MTHFD2L: variants seen among roughly 807,000 people sequenced by gnomAD.
The protein encoded by MTHFD2L is bifunctional methylenetetrahydrofolate dehydrogenase/cyclohydrolase 2, mitochondrial.
In MTHFD2L, 29 loss-of-function variants were observed where a neutral mutation model predicts 34.9. The ratio of observed to expected loss-of-function variants is 0.83; its 90% confidence interval spans 0.62 to 1.13. The LOEUF (loss-of-function observed/expected upper bound fraction) is 1.13. Among genes scored for constraint, MTHFD2L ranks in the 50% most tolerant of loss-of-function variants. The pLI is 0.00. For synonymous variants in MTHFD2L, 167 were observed against 155.7 expected (o/e 1.07, Z -0.54); for missense variants, 481 against 446.5 (o/e 1.08, Z -0.70).
intron 6 of MTHFD2L, among the ~76,000 whole-genome samples, chr4:74,253,198 A>G (rs1743552790): frequency 6.6e-6 from 1 of 152,180 alleles, no homozygotes; most frequent in Admixed American, 6.5e-5. Context: ...TGATTCTAGT[A>G]AGCAGTAGTA....
intron 5 of MTHFD2L, among the ~76,000 whole-genome samples, chr4:74,219,933 G>T (rs978941491): frequency 2.6e-5 from 4 of 152,088 alleles, no homozygotes; most frequent in Non-Finnish European, 5.9e-5. Flanking sequence ...TTTCCACGCA[G>T]ATTGAAATTT....
chr4:74,246,327 T>C (rs934725788), intron 6 of MTHFD2L, among the ~76,000 whole-genome samples: 6 of 151,828 alleles, frequency 4.0e-5, no homozygotes, highest in Non-Finnish European at 7.4e-5. Context: ...ATGGGGTTGT[T>C]TGTTTTTTTC....
intron 1 of MTHFD2L, among the ~76,000 whole-genome samples, chr4:74,169,749 G>T (rs1727500074): frequency 6.6e-6 from 1 of 151,984 alleles, no homozygotes; most frequent in Non-Finnish European, 1.5e-5. Flanking sequence ...AGTGCCAAAA[G>T]GCTACTTAAA....
chr4:74,188,122 CTG>C (rs35055843), intron 3 of MTHFD2L, among the ~76,000 whole-genome samples: 119,663 of 152,090 alleles, frequency 0.79, 52,014 homozygotes, highest in Non-Finnish European at 0.96. Flanking sequence ...AGTATATACT[CTG>C]TGATTTCATT....
At position 74,281,582 on chromosome 4, in the gene MTHFD2L, A is replaced by G. The variant is rs1164412877; in HGVS notation, c.931+32A>G. The G allele has an allele frequency of 2.5e-6, 4 of 1,572,776 alleles. No homozygotes were observed. The African/African-American group carries it at 5.5e-5, about 22-fold the overall frequency. Reference sequence around the variant, plus strand: ...AACCAATATCTTTTGATAGGTGAAGAAGATAAAAAAATTCCACCTTACGTA... The same window carrying G: ...AACCAATATCTTTTGATAGGTGAAGGAGATAAAAAAATTCCACCTTACGTA... On this transcript the variant is annotated intron_variant, in intron 7 of 7. Coordinates refer to ENST00000325278, the MANE Select transcript of MTHFD2L (RefSeq NM_001144978.3).
intron 6 of MTHFD2L, among the ~76,000 whole-genome samples, chr4:74,259,742 A>C (rs1744453444): frequency 6.6e-6 from 1 of 152,222 alleles, no homozygotes; most frequent in Non-Finnish European, 1.5e-5. Context: ...TGTTTAACAG[A>C]GAGAAGTAGG....
intron 3 of MTHFD2L, chr4:74,183,751 G>A (rs1730623311): frequency 6.6e-6 from 1 of 151,668 alleles, no homozygotes; most frequent in Non-Finnish European, 1.5e-5. Context: ...TAAGAGCTCT[G>A]GAAGTGGTAA....
At chr4:74,241,455 G>A (rs377524085) in intron 6 of MTHFD2L, 18 of 193,986 alleles carry the variant, frequency 9.3e-5, no homozygotes, top group Admixed American at 5.7e-4. Context: ...GTGCAGTGGC[G>A]CAATCATGGC....
chr4:74,190,692 A>C (rs1464643436), intron 3 of MTHFD2L: 2 of 198,816 alleles, frequency 1.0e-5, no homozygotes, highest in Non-Finnish European at 1.8e-5. Flanking sequence ...TGCTGTCTTG[A>C]AATCTTGATG....
chr4:74,196,017 G>T (rs939951080), intron 3 of MTHFD2L, among the ~76,000 whole-genome samples: 3 of 152,022 alleles, frequency 2.0e-5, no homozygotes, highest in African/African-American at 7.3e-5. Flanking sequence ...GATTTTGGGG[G>T]CCCAAGATTT....
chr4:74,195,357 T>C (rs1163248297), intron 3 of MTHFD2L: 1 of 152,238 alleles, frequency 6.6e-6, no homozygotes, highest in African/African-American at 2.4e-5. Flanking sequence ...ATAAATTGTA[T>C]GGTTGCACAT....
At chr4:74,283,756 G>A (rs779065688) in intron 7 of MTHFD2L, among the ~76,000 whole-genome samples, 1 of 152,064 alleles carries the variant, frequency 6.6e-6, no homozygotes, top group East Asian at 1.9e-4. Context: ...GCTGATTCAT[G>A]GAGCAAGAGT....
chr4:74,207,959 G>A (rs1446650414), intron 5 of MTHFD2L, among the ~76,000 whole-genome samples: 2 of 151,838 alleles, frequency 1.3e-5, no homozygotes, highest in Non-Finnish European at 2.9e-5. Flanking sequence ...TAGGAATGCA[G>A]GAGTCATGCA....
intron 7 of MTHFD2L, among the ~76,000 whole-genome samples, chr4:74,294,156 T>C (rs916320520): frequency 2.0e-5 from 3 of 152,178 alleles, no homozygotes; most frequent in African/African-American, 7.2e-5. Context: ...TCAGTTCTTC[T>C]TTCTCCACTC....
At chr4:74,279,532 CTT>C (rs1246049688) in intron 6 of MTHFD2L, among the ~76,000 whole-genome samples, 1 of 152,066 alleles carries the variant, frequency 6.6e-6, no homozygotes, top group African/African-American at 2.4e-5. Context: ...CAAGCTCACA[CTT>C]TCCTCTATTT....
Position 74,225,188 on chromosome 4 carries a change from T to C in MTHFD2L, c.713-114T>C, listed in dbSNP as rs558730867. On this transcript the variant is annotated intron_variant, in intron 5 of 7. Transcript: ENST00000325278. ...TTTTGTGCTCAAAGTGATTTAGTCA[T>C]GTCAAAGTAGCCTTTCTATTCTTAG... The C allele has an allele frequency of 3.8e-6, 3 of 786,750 alleles. No individual in the cohort carries two copies. In the South Asian group the frequency reaches 5.4e-5, roughly 14 times the overall value. 48.7% of individuals were successfully genotyped at this position (786,750 alleles called of 1,614,324 possible).
At chr4:74,168,354 C>T (rs979418238) in intron 1 of MTHFD2L, among the ~76,000 whole-genome samples, 37 of 152,226 alleles carry the variant, frequency 2.4e-4, no homozygotes, top group Admixed American at 2.0e-3. Flanking sequence ...TTGTTCTTCC[C>T]TTCCCTTGGC....
At chr4:74,239,595 G>T (rs554337505) in intron 6 of MTHFD2L, among the ~76,000 whole-genome samples, 2 of 151,420 alleles carry the variant, frequency 1.3e-5, no homozygotes, top group African/African-American at 4.8e-5. Context: ...ACTTACCTTT[G>T]TTACAAAATG....
intron 6 of MTHFD2L, among the ~76,000 whole-genome samples, chr4:74,271,653 G>T (rs1310319281): frequency 6.6e-6 from 1 of 152,110 alleles, no homozygotes; most frequent in African/African-American, 2.4e-5. Flanking sequence ...GGCAGTGCGG[G>T]CTCTTTTTTG....
Sources: allele counts gnomAD v4.1 joint callset (sites outside exome capture counted in the v4.1 genomes callset), GRCh38; gene constraint gnomAD v4.1.1; transcripts MANE v1.5; gene names NCBI Gene and HGNC (gene_info 2026-07-23, HGNC 2026-07-21).